Variants in TNKS observed in about 807,000 individuals in gnomAD.
The protein encoded by TNKS is tankyrase, also known as poly [ADP-ribose] polymerase tankyrase-1.
TNKS carries 72 observed loss-of-function variants against 135.8 expected under a neutral mutation model. That is an observed-to-expected ratio of 0.53 (90% CI 0.44 to 0.64). The LOEUF is 0.64. Ranked by LOEUF, TNKS falls within the 30% of genes least tolerant of loss-of-function variation. The pLI, the probability that TNKS is intolerant of heterozygous loss-of-function variation, is 0.00. For missense variants in TNKS, 1,769 were observed against 1,674.0 expected, an observed-to-expected ratio of 1.06 and a Z score of -0.99; for synonymous variants, 849 against 649.3, an observed-to-expected ratio of 1.31 and a Z score of -4.68.
At chr8:9,602,620 G>A (rs1799060825) in intron 2 of TNKS, among the ~76,000 whole-genome samples, 1 of 152,200 alleles carries the variant, frequency 6.6e-6, no homozygotes, top group African/African-American at 2.4e-5. Flanking sequence ...GCCCAGCAAA[G>A]AATTAGCTGG....
intron 2 of TNKS, among the ~76,000 whole-genome samples, chr8:9,584,164 TAAAA>T (rs34977301): frequency 7.0e-5 from 8 of 114,436 alleles, no homozygotes; most frequent in Non-Finnish European, 8.9e-5. Context: ...ACTCTGTCTT[TAAAA>T]AAAAAAAAAA....
intron 17 of TNKS, chr8:9,741,883 C>T (rs990195236): frequency 4.0e-6 from 1 of 249,276 alleles, no homozygotes; most frequent in East Asian, 8.9e-5. Flanking sequence ...AAACTTTATT[C>T]ACCATCACCC....
chr8:9,686,253 T>A (rs1035669909), intron 5 of TNKS, among the ~76,000 whole-genome samples: 2 of 152,064 alleles, frequency 1.3e-5, no homozygotes, highest in Non-Finnish European at 1.5e-5. Flanking sequence ...TGTGACGAGG[T>A]CCACATGAAG....
rs567470578 is a variant in TNKS, at chr8:9,781,914, A to G, written c.*5178A>G. ...TATTTGTAGGATTGTCAGATCAAGT[A>G]CAAGATGCCCAGTTAAGTTTGAATT... On this transcript the variant is annotated 3_prime_UTR_variant, in exon 27 of 27. Coordinates refer to ENST00000310430, the MANE Select transcript of TNKS (RefSeq NM_003747.3). 1 of 152,714 alleles carries G rather than the reference A, an allele frequency of 6.5e-6. No homozygotes were observed. Among genetic ancestry groups the G allele is most frequent in the East Asian group, 1.9e-4 (1 of 5,190 alleles). 9.5% of individuals were successfully genotyped at this position (152,714 alleles called of 1,614,324 possible).
intron 3 of TNKS, among the ~76,000 whole-genome samples, chr8:9,620,572 C>T (rs559469403): frequency 7.9e-5 from 12 of 152,204 alleles, no homozygotes; most frequent in Non-Finnish European, 1.5e-4. Flanking sequence ...TGATCTGGCT[C>T]CTGCCTTGCA....
intron 11 of TNKS, 73 bp downstream of exon 11, chr8:9,710,293 T>G: frequency 7.1e-7 from 1 of 1,407,190 alleles, no homozygotes. Context: ...TGCTTCTCTC[T>G]CTCCGATTTT....
intron 3 of TNKS, among the ~76,000 whole-genome samples, chr8:9,624,804 C>T (rs1284464193): frequency 6.6e-6 from 1 of 152,022 alleles, no homozygotes; most frequent in Admixed American, 6.6e-5. Context: ...TGTTCAAATC[C>T]CTTATAAAAA....
chr8:9,664,798 G>A (rs988570235), intron 3 of TNKS, among the ~76,000 whole-genome samples: 1 of 152,138 alleles, frequency 6.6e-6, no homozygotes, highest in African/African-American at 2.4e-5. Flanking sequence ...AAAGTCACAC[G>A]TTCATGACTC....
chr8:9,710,288 C>G (rs1487913014), intron 11 of TNKS, 68 bp downstream of exon 11: 2 of 1,435,616 alleles, frequency 1.4e-6, no homozygotes, highest in Admixed American at 1.7e-5. Flanking sequence ...AACACTGCTT[C>G]TCTCTCTCCG....
At chr8:9,736,724 T>C (rs1437148620) in intron 17 of TNKS, among the ~76,000 whole-genome samples, 5 of 67,474 alleles carry the variant, frequency 7.4e-5, no homozygotes, top group Middle Eastern at 4.3e-3. Flanking sequence ...ATATGCGGCA[T>C]TATTTCTGAG....
rs184381516 is a variant in TNKS at position 9,565,750 on chromosome 8, G to T, written c.673+9138G>T. On this transcript the variant is annotated intron_variant, in intron 1 of 26. Transcript: ENST00000310430. ...CGGGCGCCTGTTGTCCCAGCTACTC[G>T]GGAGGCTGAGGCAGGAGAATGGCGT... 9.4e-3 allele frequency among the ~76,000 whole-genome samples: 1,431 copies of T among 152,118 alleles called. 18 individuals are homozygous for T. The highest frequency in any genetic ancestry group is 0.032 in the African/African-American group (1,347 of 41,460).
At chr8:9,734,509 T>C (rs935416697) in intron 15 of TNKS, among the ~76,000 whole-genome samples, 2 of 152,214 alleles carry the variant, frequency 1.3e-5, no homozygotes, top group Admixed American at 1.3e-4. Context: ...AGTATCTTTA[T>C]GTAATTGAAT....
chr8:9,627,025 C>A (rs540339964), intron 3 of TNKS, among the ~76,000 whole-genome samples: 6 of 151,992 alleles, frequency 3.9e-5, no homozygotes, highest in Non-Finnish European at 8.8e-5. Flanking sequence ...GACTTTCAGC[C>A]CAACCACTGA....
At position 9,620,204 on chromosome 8, in the gene TNKS, C is replaced by G. The variant is rs140197251; in HGVS notation, c.994+4527C>G. On this transcript the variant is annotated intron_variant, in intron 3 of 26. Coordinates refer to ENST00000310430, the MANE Select transcript of TNKS (RefSeq NM_003747.3). ...ACCTCGTGATCCGCTGCCTTGGCCT[C>G]CCAAAGTGCCGGGATTACAGGTGTG... 3.3e-3 allele frequency among the ~76,000 whole-genome samples: 504 copies of G among 152,304 alleles called. 3 individuals carry two copies. Among genetic ancestry groups the G allele is most frequent in the African/African-American group, 0.011 (468 of 41,564 alleles).
chr8:9,751,860 A>G lies in TNKS; in HGVS notation c.3070+14A>G. 3.1e-6 allele frequency: 5 copies of G among 1,609,558 alleles called. No homozygotes were observed. The highest frequency in any genetic ancestry group is 4.3e-6 in the Non-Finnish European group (5 of 1,176,136). ...AGGAAGGAGAAGGTGAGTAGACCCC[A>G]TGAATGCTTATTTATTTATACCTTT... On this transcript the variant is annotated intron_variant, in intron 19 of 26. Coordinates refer to ENST00000310430, the MANE Select transcript of TNKS (RefSeq NM_003747.3).
chr8:9,564,523 A>G (rs937436964), intron 1 of TNKS, among the ~76,000 whole-genome samples: 5 of 152,262 alleles, frequency 3.3e-5, no homozygotes, highest in African/African-American at 7.2e-5. Flanking sequence ...AGAAAACACT[A>G]TAGTAGTTTA....
chr8:9,574,873 G>C (rs540377685), intron 1 of TNKS: 1 of 186,060 alleles, frequency 5.4e-6, no homozygotes, highest in South Asian at 1.8e-4. Flanking sequence ...AAGCTCCCCC[G>C]CGCCCCCCTT....
At chr8:9,736,171 C>G (rs1374028494) in intron 17 of TNKS, among the ~76,000 whole-genome samples, 1 of 151,004 alleles carries the variant, frequency 6.6e-6, no homozygotes, top group East Asian at 1.9e-4. Context: ...AGCTGTGCAG[C>G]TGTTATACAG....
chr8:9,585,212 G>A (rs1318321845), intron 2 of TNKS, among the ~76,000 whole-genome samples: 1 of 151,962 alleles, frequency 6.6e-6, no homozygotes. Context: ...TAAAGACCAT[G>A]TTAGTAGCCT....
Sources: gnomAD v4.1 joint callset for allele counts (sites outside exome capture counted in the v4.1 genomes callset) on GRCh38, gnomAD v4.1.1 for gene constraint, MANE v1.5 for transcripts, NCBI Gene and HGNC (gene_info 2026-07-23, HGNC 2026-07-21) for gene names.